Variants in GRM5 observed in about 807,000 individuals in gnomAD.
GRM5 encodes the protein glutamate metabotropic receptor 5.
In GRM5, 19 loss-of-function variants were observed where a neutral mutation model predicts 83.1. The observed-to-expected ratio is 0.23, with a 90% CI of 0.16 to 0.34. The LOEUF is 0.34. Ranked by LOEUF, GRM5 falls within the 10% of genes least tolerant of loss-of-function variation. GRM5 has a pLI of 1.00. For missense variants in GRM5, 1,160 were observed against 1,588.3 expected, an observed-to-expected ratio of 0.73 and a Z score of 4.58; for synonymous variants, 675 against 633.6, an observed-to-expected ratio of 1.07 and a Z score of -0.98.
intron 8 of GRM5, among the ~76,000 whole-genome samples, chr11:88,530,151 C>T (rs979248134): frequency 6.6e-6 from 1 of 151,952 alleles, no homozygotes; most frequent in African/African-American, 2.4e-5. Context: ...CTCATTCTAC[C>T]TGTCCAAAAA....
chr11:89,055,774 G>C (rs1348289710), intron 1 of GRM5, among the ~76,000 whole-genome samples: 2 of 151,092 alleles, frequency 1.3e-5, no homozygotes, highest in African/African-American at 4.9e-5. Context: ...AGTTCATTTG[G>C]ATGATGGGGA....
chr11:88,689,825 G>A (rs1163520057), intron 3 of GRM5, among the ~76,000 whole-genome samples: 1 of 152,154 alleles, frequency 6.6e-6, no homozygotes, highest in Non-Finnish European at 1.5e-5. Context: ...ATAGCGATAC[G>A]AATAACCAGC....
Position 89,002,270 on chromosome 11 carries a change from C to T in GRM5, c.661+44942G>A, listed in dbSNP as rs540018876. ...AAAGTCATAACAAAGAGCTAACATG[C>T]TTTTATTAAAATGTGTAAGTTATTT... On this transcript the variant is annotated intron_variant, in intron 2 of 9. Transcript: ENST00000305447. Among the ~76,000 whole-genome samples the T allele has an allele frequency of 1.1e-4, 17 of 152,226 alleles. No individual in the cohort carries two copies. The East Asian group carries it at 3.3e-3, about 29-fold the overall frequency.
intron 3 of GRM5, among the ~76,000 whole-genome samples, chr11:88,726,008 CA>C (rs2135401006): frequency 6.6e-6 from 1 of 152,168 alleles, no homozygotes; most frequent in Non-Finnish European, 1.5e-5. Context: ...TCCTTGCCAG[CA>C]AGGAAACAAA....
chr11:88,865,927 G>A (rs1944655501), intron 2 of GRM5, among the ~76,000 whole-genome samples: 1 of 152,060 alleles, frequency 6.6e-6, no homozygotes, highest in Non-Finnish European at 1.5e-5. Flanking sequence ...GAGAGGATGT[G>A]GAGAAATAGG....
At position 89,032,002 on chromosome 11, in the gene GRM5, C is replaced by A. The variant is rs183012196; in HGVS notation, c.661+15210G>T. ...GCATTTATTGACTGCCTATTATATA[C>A]TACACATCATAAATATTGCATACAT... is the stretch of plus-strand genomic sequence containing the variant. On this transcript the variant is annotated intron_variant, in intron 2 of 9. Transcript: ENST00000305447. Among the ~76,000 whole-genome samples, 357 of 152,096 alleles carry A rather than the reference C, an allele frequency of 2.3e-3. 2 individuals carry two copies. Among genetic ancestry groups the A allele is most frequent in the African/African-American group, 7.7e-3 (321 of 41,546 alleles).
chr11:89,044,181 T>C (rs1941593111), intron 2 of GRM5, among the ~76,000 whole-genome samples: 1 of 152,186 alleles, frequency 6.6e-6, no homozygotes, highest in African/African-American at 2.4e-5. Context: ...CTTACTCCAT[T>C]AAAAGAAGTG....
At chr11:88,950,170 G>A (rs1200493451) in intron 2 of GRM5, among the ~76,000 whole-genome samples, 4 of 151,144 alleles carry the variant, frequency 2.6e-5, no homozygotes, top group Admixed American at 6.6e-5. Context: ...CACCACGCCC[G>A]GCCGAATTTC....
At chr11:88,874,387 G>A (rs528311264) in intron 2 of GRM5, among the ~76,000 whole-genome samples, 1 of 151,990 alleles carries the variant, frequency 6.6e-6, no homozygotes, top group East Asian at 1.9e-4. Flanking sequence ...ATACTCATAT[G>A]TTGAAGAATG....
chr11:89,035,588 T>G lies in GRM5; in HGVS notation c.661+11624A>C, dbSNP rs1402634597. On this transcript the variant is annotated intron_variant, in intron 2 of 9. Coordinates refer to ENST00000305447, the MANE Select transcript of GRM5 (RefSeq NM_001143831.3). ...GGAATGCAGAAATATCTTTTCATTCTATTTTTATTCTATCTACTTTTCATT... is the reference window on the plus strand; with the variant it reads ...GGAATGCAGAAATATCTTTTCATTCGATTTTTATTCTATCTACTTTTCATT... 3.3e-5 allele frequency among the ~76,000 whole-genome samples: 5 copies of G among 152,096 alleles called. 1 individual carries two copies. The South Asian group carries it at 1.0e-3, about 32-fold the overall frequency.
chr11:88,620,945 A>G (rs932853305), intron 4 of GRM5, among the ~76,000 whole-genome samples: 6 of 152,186 alleles, frequency 3.9e-5, no homozygotes, highest in African/African-American at 9.6e-5. Flanking sequence ...CAAAAATTCA[A>G]CAGGGATTGC....
chr11:89,039,346 T>C (rs771984428), intron 2 of GRM5, among the ~76,000 whole-genome samples: 4 of 151,948 alleles, frequency 2.6e-5, no homozygotes, highest in Non-Finnish European at 5.9e-5. Flanking sequence ...TGGCAACTGA[T>C]TGTCAACATT....
intron 2 of GRM5, among the ~76,000 whole-genome samples, chr11:89,045,066 C>T (rs1175316740): frequency 6.6e-6 from 1 of 152,124 alleles, no homozygotes; most frequent in East Asian, 1.9e-4. Context: ...TATTTCTTGA[C>T]ACAACCACAT....
chr11:89,058,650 T>G (rs1360247619), intron 1 of GRM5, among the ~76,000 whole-genome samples: 1 of 152,200 alleles, frequency 6.6e-6, no homozygotes, highest in Non-Finnish European at 1.5e-5. Context: ...TTTGTCTGTA[T>G]TATCTTGTTG....
chr11:88,908,807 CTGTT>C (rs1435333085), intron 2 of GRM5, among the ~76,000 whole-genome samples: 5 of 152,086 alleles, frequency 3.3e-5, no homozygotes. Context: ...AGATATTAAA[CTGTT>C]TGTTCAGATT....
At chr11:88,526,824 A>G (rs556408787) in intron 8 of GRM5, among the ~76,000 whole-genome samples, 3 of 152,254 alleles carry the variant, frequency 2.0e-5, no homozygotes, top group Admixed American at 6.5e-5. Flanking sequence ...TACCTATTTA[A>G]CGGACATTAG....
intron 9 of GRM5, among the ~76,000 whole-genome samples, chr11:88,519,617 A>T (rs1053850713): frequency 6.6e-5 from 10 of 152,166 alleles, no homozygotes; most frequent in African/African-American, 2.4e-4. Flanking sequence ...ATAGGTAAAC[A>T]TGGGAGAACA....
Position 88,505,878 on chromosome 11 carries a change from A to G in GRM5, c.*2714T>C, listed in dbSNP as rs1190707437. 1 of 152,228 alleles carries G rather than the reference A, an allele frequency of 6.6e-6. No homozygotes were observed. The highest frequency in any genetic ancestry group is 2.4e-5 in the African/African-American group (1 of 41,462). 9.4% of individuals were successfully genotyped at this position (152,228 alleles called of 1,614,324 possible). On this transcript the variant is annotated 3_prime_UTR_variant, in exon 10 of 10. Transcript: ENST00000305447. ...TGTACCCAAATGAATTGTGAAGTTC[A>G]TATCCTATAGCCCTAGAATGAATAT...
intron 3 of GRM5, among the ~76,000 whole-genome samples, chr11:88,716,565 G>A (rs891249116): frequency 6.6e-6 from 1 of 151,882 alleles, no homozygotes; most frequent in African/African-American, 2.4e-5. Context: ...CAGAGTGCTA[G>A]TCAACAATGT....
Sources: allele counts gnomAD v4.1 joint callset (sites outside exome capture counted in the v4.1 genomes callset), GRCh38; gene constraint gnomAD v4.1.1; transcripts MANE v1.5; gene names NCBI Gene and HGNC (gene_info 2026-07-23, HGNC 2026-07-21).